TRA2A: variants seen among roughly 807,000 people sequenced by gnomAD.
TRA2A encodes transformer-2 protein homolog alpha.
TRA2A carries 31 observed loss-of-function variants against 45.7 expected under a neutral mutation model. The ratio of observed to expected loss-of-function variants is 0.68; its 90% CI spans 0.51 to 0.92. TRA2A has a LOEUF of 0.92. TRA2A is among the 40% of genes least tolerant of loss of function. The pLI, the probability that TRA2A is intolerant of heterozygous loss-of-function variation, is 0.00. For synonymous variants in TRA2A, 132 were observed against 126.2 expected (o/e 1.05, Z -0.31); for missense variants, 304 against 367.5 (o/e 0.83, Z 1.41).
rs747959383 is a variant in TRA2A at position 23,505,731 on chromosome 7, G to A, written c.838+15C>T. ...AAATGAGGTTTTTTATGCTACAAAA[G>A]TAAAGTTCACATACTTGGGCTGTAG... On this transcript the variant is annotated intron_variant, in intron 7 of 7. Coordinates refer to ENST00000297071, the MANE Select transcript of TRA2A (RefSeq NM_013293.5). 1.3e-6 allele frequency: 2 copies of A among 1,518,952 alleles called. No individual in the cohort carries two copies. Among genetic ancestry groups the A allele is most frequent in the Non-Finnish European group, 1.8e-6 (2 of 1,129,620 alleles). The allele number at this position is 1,518,952 out of a possible 1,614,324, so 94.1% of individuals were successfully genotyped here. A position where few individuals can be genotyped will look rare whatever the true frequency, so the allele number is the denominator to read the frequency against.
At chr7:23,518,509 T>C (rs1291253162) in intron 2 of TRA2A, among the ~76,000 whole-genome samples, 2 of 151,370 alleles carry the variant, frequency 1.3e-5, no homozygotes, top group Non-Finnish European at 2.9e-5. Flanking sequence ...GCCCAGCTAA[T>C]TTTTGTGTTT....
chr7:23,521,187 A>G (rs1790120759), intron 2 of TRA2A, among the ~76,000 whole-genome samples: 1 of 152,200 alleles, frequency 6.6e-6, no homozygotes, highest in African/African-American at 2.4e-5. Flanking sequence ...TGTAGCTGGA[A>G]TGTAAATCCT....
intron 2 of TRA2A, among the ~76,000 whole-genome samples, chr7:23,520,846 C>A (rs1472042014): frequency 6.6e-6 from 1 of 151,988 alleles, no homozygotes; most frequent in East Asian, 1.9e-4. Context: ...GTGCCCGCCA[C>A]CCCGCCCAGC....
Position 23,516,512 on chromosome 7 carries a change from G to C in TRA2A, c.187C>G (p.His63Asp). Reference protein sequence around the residue: ...RSKSRSRSRRHSHRRYTRSRS... With the variant: ...RSKSRSRSRRDSHRRYTRSRS... The stretch of plus-strand genomic sequence containing the variant: ...GATCGAGTGTAACGTCTATGAGAAT[G>C]TCTCCTTGACCTCGACCTTTGAGAG... The change falls in exon 3 of 8, where the codon CAT becomes GAT. Residue 63 changes from histidine (H) to aspartate (D), a missense_variant. Physicochemically the swap from His to Asp is moderately conservative, Grantham distance 81. Around this residue, in one of 3 missense-constraint regions of TRA2A, gnomAD observed 132 missense variants for 113.4 expected, o/e 1.16. Coordinates refer to ENST00000297071, the MANE Select transcript of TRA2A (RefSeq NM_013293.5). 6.2e-7 allele frequency: 1 copy of C among 1,614,096 alleles called. No individual in the cohort carries two copies. Among genetic ancestry groups the C allele is most frequent in the South Asian group, 1.1e-5 (1 of 91,076 alleles).
Position 23,529,559 on chromosome 7 carries a change from C to T in TRA2A, c.36+2230G>A, listed in dbSNP as rs193036804. Among the ~76,000 whole-genome samples, 215 of 152,266 alleles carry T rather than the reference C, an allele frequency of 1.4e-3. 2 individuals carry two copies. The highest frequency in any genetic ancestry group is 2.8e-4 in the Non-Finnish European group (19 of 68,028). ...TACAGGCGTGAGCCACTGCGCCCGGCCAGAAACGATTTTAAAAAGGGCATC... is the reference window on the plus strand; with the variant it reads ...TACAGGCGTGAGCCACTGCGCCCGGTCAGAAACGATTTTAAAAAGGGCATC... On this transcript the variant is annotated intron_variant, in intron 1 of 7. Coordinates refer to ENST00000297071, the MANE Select transcript of TRA2A (RefSeq NM_013293.5).
chr7:23,509,254 G>A (rs116316004), intron 4 of TRA2A, among the ~76,000 whole-genome samples: 7 of 151,454 alleles, frequency 4.6e-5, no homozygotes, highest in Non-Finnish European at 1.0e-4. Context: ...TGATCTCCCT[G>A]CACCCCATCC....
Position 23,506,154 on chromosome 7 carries a change from A to G in TRA2A, c.754T>C (p.Tyr252His), listed in dbSNP as rs1456221831. 1 of 1,609,156 alleles carries G rather than the reference A, an allele frequency of 6.2e-7. No homozygotes were observed. The highest frequency in any genetic ancestry group is 8.5e-7 in the Non-Finnish European group (1 of 1,176,732). Residue 252 changes from tyrosine to histidine, a missense_variant, in exon 6 of 8, where the codon TAT becomes CAT. Tyr to His is a moderately conservative substitution (Grantham distance 83, BLOSUM62 2). Around this residue, in one of 3 missense-constraint regions of TRA2A, gnomAD observed 42 missense variants for 37.0 expected, o/e 1.14. Coordinates refer to ENST00000297071, the MANE Select transcript of TRA2A (RefSeq NM_013293.5). ...YDRGYDRYED[Y>H]DYRYRRRSPS... ...AAACATTACCTGTATCGGTAATCAT[A>G]GTCTTCATATCTGTCATACCCACGA...
At position 23,511,370 on chromosome 7, in the gene TRA2A, C is replaced by CAAAA. The variant is rs567187750; in HGVS notation, c.525+1520_525+1523dup. Among the ~76,000 whole-genome samples, 43 of 40,090 alleles carry CAAAA rather than the reference C, an allele frequency of 1.1e-3. 3 individuals carry two copies. Among genetic ancestry groups the CAAAA allele is most frequent in the Non-Finnish European group, 1.6e-3 (34 of 21,496 alleles). The allele number at this position is 40,090 out of a possible 152,430, so 26.3% of individuals were successfully genotyped here. ...TGGGCGACAGAGCGAGACTCCATCT[C>CAAAA]AAAAAAAAAAAAAAAAAAAAAAAAA... On this transcript the variant is annotated intron_variant, in intron 4 of 7. Transcript: ENST00000297071.
intron 2 of TRA2A, among the ~76,000 whole-genome samples, chr7:23,517,120 C>A (rs116350053): frequency 0.021 from 3,257 of 151,604 alleles, 125 homozygotes; most frequent in African/African-American, 0.075. Context: ...ATAAATAAAT[C>A]CTTTGATTCT....
intron 3 of TRA2A, among the ~76,000 whole-genome samples, chr7:23,516,065 A>G (rs977213111): frequency 6.6e-6 from 1 of 151,978 alleles, no homozygotes; most frequent in Non-Finnish European, 1.5e-5. Context: ...CCAGCTATTC[A>G]GGAGGCTAAG....
intron 1 of TRA2A, among the ~76,000 whole-genome samples, chr7:23,530,623 T>C (rs1275861873): frequency 2.0e-5 from 3 of 152,214 alleles, no homozygotes; most frequent in Admixed American, 1.3e-4. Context: ...CAATTCCCTA[T>C]GTAGGGTAAA....
At chr7:23,509,322 G>A (rs977367683) in intron 4 of TRA2A, among the ~76,000 whole-genome samples, 22 of 152,012 alleles carry the variant, frequency 1.4e-4, no homozygotes, top group African/African-American at 5.3e-4. Context: ...CTAAAACAGG[G>A]TGAGGAGCTT....
At chr7:23,521,876 C>A in intron 1 of TRA2A, 36 bp from the exon 2 acceptor site, 1 of 1,612,828 alleles carries the variant, frequency 6.2e-7, no homozygotes, top group South Asian at 1.1e-5. Flanking sequence ...TGGCACTGGT[C>A]ATGTAGATGC....
At chr7:23,508,257 C>T (rs115190450) in intron 4 of TRA2A, among the ~76,000 whole-genome samples, 1,482 of 145,766 alleles carry the variant, frequency 0.01, 33 homozygotes, top group African/African-American at 0.037. Flanking sequence ...TAAGAGTGTC[C>T]CATAAACTAA....
At chr7:23,509,047 G>A (rs965051443) in intron 4 of TRA2A, among the ~76,000 whole-genome samples, 2 of 151,216 alleles carry the variant, frequency 1.3e-5, no homozygotes, top group Non-Finnish European at 2.9e-5. Context: ...GTCTCCCTAT[G>A]TTTCCCCAGG....
At chr7:23,515,223 CTTTTTT>C (rs767953060) in intron 3 of TRA2A, among the ~76,000 whole-genome samples, 1 of 96,798 alleles carries the variant, frequency 1.0e-5, no homozygotes, top group Non-Finnish European at 1.9e-5. Context: ...GAACATATTT[CTTTTTT>C]TTTTTTTTTT....
chr7:23,508,451 T>C (rs1056016136), intron 4 of TRA2A, among the ~76,000 whole-genome samples: 1 of 152,110 alleles, frequency 6.6e-6, no homozygotes, highest in African/African-American at 2.4e-5. Flanking sequence ...CAAAAATTCT[T>C]GGTAGAGAAG....
intron 1 of TRA2A, among the ~76,000 whole-genome samples, chr7:23,525,691 T>C (rs762734513): frequency 1.3e-5 from 2 of 152,106 alleles, no homozygotes; most frequent in Non-Finnish European, 2.9e-5. Flanking sequence ...AACTCCTGGG[T>C]TCAAGCAATT....
In TRA2A at chr7:23,516,499, C is replaced by G; in HGVS notation, c.200G>C (p.Arg67Pro). The G allele has an allele frequency of 6.2e-7, 1 of 1,614,168 alleles. No homozygotes were observed. The highest frequency in any genetic ancestry group is 8.5e-7 in the Non-Finnish European group (1 of 1,180,016). The change falls in exon 3 of 8, where the codon CGT (arginine) becomes CCT (proline). Residue 67 changes from arginine (R) to proline (P), a missense_variant. Physicochemically the swap from Arg to Pro is moderately radical, Grantham distance 103. Coordinates refer to ENST00000297071, the MANE Select transcript of TRA2A (RefSeq NM_013293.5). Reference sequence around the variant, plus strand: ...AGAGTGGGATCTGGATCGAGTGTAACGTCTATGAGAATGTCTCCTTGACCT... The same window carrying G: ...AGAGTGGGATCTGGATCGAGTGTAAGGTCTATGAGAATGTCTCCTTGACCT... The part of the protein sequence containing the change: ...RSRSRRHSHR[R>P]YTRSRSHSHS...
Sources: gnomAD v4.1 joint callset for allele counts (sites outside exome capture counted in the v4.1 genomes callset) on GRCh38, gnomAD v4.1.1 for gene constraint, gnomAD v4.1.1 regional missense constraint, MANE v1.5 for transcripts, NCBI Gene and HGNC (gene_info 2026-07-23, HGNC 2026-07-21) for gene names.